Variants in ANKRD31 observed in about 807,000 individuals in gnomAD.
ANKRD31 encodes the protein ankyrin repeat domain-containing protein 31.
Under a neutral mutation model 186.0 loss-of-function variants are expected in ANKRD31, and 147 were observed. The observed-to-expected ratio is 0.79, with a 90% CI of 0.69 to 0.91. The LOEUF (loss-of-function observed/expected upper bound fraction) is 0.91, where lower values mean the gene tolerates loss of function less well. Ranked by LOEUF, ANKRD31 falls within the 40% of genes least tolerant of loss-of-function variation. The pLI, the probability that ANKRD31 is intolerant of heterozygous loss-of-function variation, is 0.00. For synonymous variants in ANKRD31, 673 were observed against 736.4 expected, an observed-to-expected ratio of 0.91 and a Z score of 1.39; for missense variants, 1,986 against 2,148.8, an observed-to-expected ratio of 0.92 and a Z score of 1.50.
At chr5:75,124,968 C>A (rs1189549201) in intron 17 of ANKRD31, among the ~76,000 whole-genome samples, 2 of 152,064 alleles carry the variant, frequency 1.3e-5, no homozygotes, top group African/African-American at 2.4e-5. Context: ...TAAATTTATA[C>A]AAATATATTA....
chr5:75,202,477 T>C (rs1347572145), intron 5 of ANKRD31, among the ~76,000 whole-genome samples: 1 of 151,886 alleles, frequency 6.6e-6, no homozygotes, highest in African/African-American at 2.4e-5. Flanking sequence ...ACTTTCACTT[T>C]AGAGAGGCAA....
chr5:75,163,197 T>C (rs544109720), intron 11 of ANKRD31, among the ~76,000 whole-genome samples: 30 of 152,368 alleles, frequency 2.0e-4, no homozygotes, highest in African/African-American at 6.7e-4. Context: ...TTTGAAATGC[T>C]TGGGACCAGC....
intron 17 of ANKRD31, among the ~76,000 whole-genome samples, chr5:75,130,405 A>C (rs937413667): frequency 2.6e-5 from 4 of 152,152 alleles, no homozygotes; most frequent in African/African-American, 9.7e-5. Context: ...GCCTGCTTTT[A>C]TTCCCTTATC....
intron 10 of ANKRD31, among the ~76,000 whole-genome samples, chr5:75,182,529 G>A (rs1467749897): frequency 6.6e-6 from 1 of 152,000 alleles, no homozygotes; most frequent in East Asian, 1.9e-4. Context: ...GACCAGCCTG[G>A]CCAACATGGT....
intron 20 of ANKRD31, among the ~76,000 whole-genome samples, chr5:75,108,805 CAT>C (rs1747539855): frequency 1.3e-5 from 2 of 152,084 alleles, no homozygotes; most frequent in Non-Finnish European, 2.9e-5. Context: ...AGAATTTAGA[CAT>C]AATTTTGTTC....
chr5:75,116,985 G>A (rs1290421305), intron 18 of ANKRD31, among the ~76,000 whole-genome samples: 1 of 152,150 alleles, frequency 6.6e-6, no homozygotes, highest in African/African-American at 2.4e-5. Context: ...AGGGGTTCAA[G>A]AAGTTGCCCA....
rs569868476 is a variant in ANKRD31 at position 75,160,659 on chromosome 5, G to T, written c.1708-6314C>A. 2.0e-5 allele frequency among the ~76,000 whole-genome samples: 3 copies of T among 152,258 alleles called. No homozygotes were observed. In the South Asian group the frequency reaches 6.2e-4, roughly 32 times the overall value. The stretch of plus-strand genomic sequence containing the variant: ...GACATACCATGCAAATGGCAAAAGA[G>T]ACCTGGAGTGGTGGTCTGGTTTGGC... On this transcript the variant is annotated intron_variant, in intron 11 of 25. Transcript: ENST00000506364.
chr5:75,155,023 C>A (rs1283698876), intron 11 of ANKRD31, among the ~76,000 whole-genome samples: 2 of 152,040 alleles, frequency 1.3e-5, no homozygotes, highest in African/African-American at 4.8e-5. Flanking sequence ...ATACTTATTT[C>A]TTTCATATCA....
intron 10 of ANKRD31, among the ~76,000 whole-genome samples, chr5:75,186,975 G>A (rs1754756889): frequency 6.6e-6 from 1 of 151,976 alleles, no homozygotes; most frequent in Non-Finnish European, 1.5e-5. Context: ...TAACACGATA[G>A]AGGTCATATA....
At chr5:75,076,452 G>A (rs918941306) in intron 25 of ANKRD31, among the ~76,000 whole-genome samples, 11 of 152,160 alleles carry the variant, frequency 7.2e-5, no homozygotes, top group African/African-American at 2.7e-4. Context: ...CAGCCAAATG[G>A]AAGAGATGCA....
chr5:75,175,207 C>A (rs1318731077), intron 10 of ANKRD31, among the ~76,000 whole-genome samples: 1 of 152,140 alleles, frequency 6.6e-6, no homozygotes, highest in East Asian at 1.9e-4. Context: ...GGGCGGGGAA[C>A]ATCACACACT....
chr5:75,188,697 G>C, intron 9 of ANKRD31, 49 bp from the exon 10 acceptor site: 1 of 1,438,532 alleles, frequency 7.0e-7, no homozygotes, highest in Non-Finnish European at 9.3e-7. Context: ...TTGAATATCA[G>C]AAGGAATACG....
At chr5:75,127,949 T>C (rs1332551920) in intron 17 of ANKRD31, among the ~76,000 whole-genome samples, 1 of 152,230 alleles carries the variant, frequency 6.6e-6, no homozygotes, top group Non-Finnish European at 1.5e-5. Context: ...ATTGCTGTTA[T>C]AGAGAAATAC....
At chr5:75,190,625 G>A (rs201785281) in intron 9 of ANKRD31, among the ~76,000 whole-genome samples, 5 of 141,622 alleles carry the variant, frequency 3.5e-5, no homozygotes, top group East Asian at 2.1e-4. Flanking sequence ...GTGTGTGTGT[G>A]TATTTTTTTT....
At chr5:75,091,118 G>T in intron 23 of ANKRD31, 143 bp downstream of exon 23, 1 of 848,886 alleles carries the variant, frequency 1.2e-6, no homozygotes, top group Non-Finnish European at 1.7e-6. Context: ...AGCATGATAT[G>T]CATACAGCAT....
chr5:75,141,327 TG>T (rs1373359030), intron 15 of ANKRD31, among the ~76,000 whole-genome samples: 1 of 151,938 alleles, frequency 6.6e-6, no homozygotes, highest in African/African-American at 2.4e-5. Context: ...TTGGAAGAAT[TG>T]AAAACTTATG....
At chr5:75,135,858 T>C (rs1209899353) in intron 17 of ANKRD31, among the ~76,000 whole-genome samples, 1 of 152,132 alleles carries the variant, frequency 6.6e-6, no homozygotes, top group South Asian at 2.1e-4. Context: ...TCAGAAATAA[T>C]ACCACACATC....
chr5:75,146,192 T>A lies in ANKRD31; in HGVS notation c.3219A>T (p.Lys1073Asn), dbSNP rs769569012. 3 of 1,535,808 alleles carry A rather than the reference T, an allele frequency of 2.0e-6. No individual in the cohort carries two copies. In the South Asian group the frequency reaches 3.6e-5, roughly 18 times the overall value. ...TERNYIDRDQ[K>N]IIYSNEPLSI... is the part of the protein sequence containing the mutation. ...ATAAAGGCTCATTTGAATAAATTATTTTTTGGTCTCTGTCAATGTAATTCC... is the reference window on the plus strand; with the variant it reads ...ATAAAGGCTCATTTGAATAAATTATATTTTGGTCTCTGTCAATGTAATTCC... Residue 1073 changes from lysine (K) to asparagine (N), a missense_variant, in exon 14 of 26, where the codon AAA (lysine) becomes AAT (asparagine). Transcript: ENST00000506364.
chr5:75,177,401 CGA>C (rs896062434), intron 10 of ANKRD31, among the ~76,000 whole-genome samples: 2 of 152,014 alleles, frequency 1.3e-5, no homozygotes, highest in Non-Finnish European at 2.9e-5. Flanking sequence ...AGATACTCCT[CGA>C]GAAGAGCAAC....
Sources: allele counts gnomAD v4.1 joint callset (sites outside exome capture counted in the v4.1 genomes callset), GRCh38; gene constraint gnomAD v4.1.1; transcripts MANE v1.5; gene names NCBI Gene and HGNC (gene_info 2026-07-23, HGNC 2026-07-21).